PRDM16: variants seen among roughly 807,000 people sequenced by gnomAD.
The protein encoded by PRDM16 is histone-lysine N-methyltransferase PRDM16.
A neutral mutation model predicts 110.6 loss-of-function variants in PRDM16; 23 were observed. The ratio of observed to expected loss-of-function variants is 0.21; its 90% confidence interval spans 0.15 to 0.29. The LOEUF (loss-of-function observed/expected upper bound fraction) is 0.29, where lower values mean the gene tolerates loss of function less well. Among genes scored for constraint, PRDM16 ranks in the 10% least tolerant of loss-of-function variants. The probability of loss-of-function intolerance (pLI) is 1.00; values close to 1 mark genes in which losing one functional copy is unlikely to be tolerated. For missense variants in PRDM16, 1,615 were observed against 1,794.3 expected, an observed-to-expected ratio of 0.90 and a Z score of 1.81; for synonymous variants, 799 against 781.8, an observed-to-expected ratio of 1.02 and a Z score of -0.37.
At chr1:3,193,984 C>T (rs888970896) in intron 2 of PRDM16, among the ~76,000 whole-genome samples, 3 of 152,216 alleles carry the variant, frequency 2.0e-5, no homozygotes, top group Non-Finnish European at 2.9e-5. Flanking sequence ...AGTCCTGGCA[C>T]ACCCCTCTGG....
In PRDM16 at chr1:3,227,365, C is replaced by T. The variant is rs1426716106; in HGVS notation, c.388-16722C>T. The stretch of plus-strand genomic sequence containing the variant: ...GAACCAGAGTCCTGCATCCTTGTCC[C>T]GAGGCCACAGGCTTTGCTGTTTTAC... On this transcript the variant is annotated intron_variant, in intron 2 of 16. Transcript: ENST00000270722. Among the ~76,000 whole-genome samples, 5 of 152,262 alleles carry T rather than the reference C, an allele frequency of 3.3e-5. No homozygotes were observed. The East Asian group carries it at 5.8e-4, about 18-fold the overall frequency.
At chr1:3,093,280 A>G (rs541768384) in intron 1 of PRDM16, among the ~76,000 whole-genome samples, 289 of 152,352 alleles carry the variant, frequency 1.9e-3, no homozygotes, top group Non-Finnish European at 3.3e-3. Context: ...GGCTAGCTCC[A>G]TGCTGGGGCC....
In PRDM16 at chr1:3,265,264, G is replaced by C. The variant is rs1640260708; in HGVS notation, c.438+21127G>C. Among the ~76,000 whole-genome samples, 1 of 152,146 alleles carries C rather than the reference G, an allele frequency of 6.6e-6. No individual in the cohort carries two copies. Among genetic ancestry groups the C allele is most frequent in the South Asian group, 2.1e-4 (1 of 4,822 alleles). On this transcript the variant is annotated intron_variant, in intron 3 of 16. Coordinates refer to ENST00000270722, the MANE Select transcript of PRDM16 (RefSeq NM_022114.4). The surrounding 1 kb of genome is among the most constrained non-coding windows in gnomAD (Gnocchi z 4.5). Reference sequence around the variant, plus strand: ...ACAACAGCTTGTCCCTTACGGTTGGGACAGAAGCCTCAGGGTGCAGGGGGA... The same window carrying C: ...ACAACAGCTTGTCCCTTACGGTTGGCACAGAAGCCTCAGGGTGCAGGGGGA...
intron 2 of PRDM16, chr1:3,186,734 T>A (rs964740870): frequency 2.2e-6 from 1 of 446,468 alleles, no homozygotes; most frequent in East Asian, 3.5e-5. Context: ...TGAGCTCATG[T>A]CTTAAAACAT....
chr1:3,413,468 C>T (rs1021392346), intron 9 of PRDM16, among the ~76,000 whole-genome samples: 3 of 152,136 alleles, frequency 2.0e-5, no homozygotes, highest in African/African-American at 7.2e-5. Context: ...TCCCTAATTT[C>T]TGGACAGGTT....
intron 3 of PRDM16, among the ~76,000 whole-genome samples, chr1:3,379,019 G>A (rs1643045004): frequency 6.6e-6 from 1 of 151,722 alleles, no homozygotes; most frequent in Non-Finnish European, 1.5e-5. Context: ...ACCTGACTGT[G>A]ATAGCAGACA....
At chr1:3,270,767 C>T (rs1640432130) in intron 3 of PRDM16, among the ~76,000 whole-genome samples, 1 of 148,508 alleles carries the variant, frequency 6.7e-6, no homozygotes, top group Admixed American at 6.7e-5. Flanking sequence ...GAGGACAGTC[C>T]TGGAGGAGGA....
intron 1 of PRDM16, among the ~76,000 whole-genome samples, chr1:3,145,983 C>G (rs1352068720): frequency 6.6e-6 from 1 of 152,196 alleles, no homozygotes; most frequent in Non-Finnish European, 1.5e-5. Flanking sequence ...CCTCGGGACT[C>G]ACACGCCTCA....
intron 1 of PRDM16, among the ~76,000 whole-genome samples, chr1:3,110,173 T>C (rs1642755350): frequency 7.1e-6 from 1 of 140,398 alleles, no homozygotes; most frequent in Non-Finnish European, 1.5e-5. Flanking sequence ...GGGGACACAG[T>C]GTCTGTGGAT....
In PRDM16 at chr1:3,437,163, G is replaced by C. The variant is rs1255521235; in HGVS notation, c.*3352G>C. 4.3e-6 allele frequency: 1 copy of C among 231,626 alleles called. No homozygotes were observed. Among genetic ancestry groups the C allele is most frequent in the Non-Finnish European group, 8.5e-6 (1 of 117,224 alleles). The allele number at this position is 231,626 out of a possible 1,614,324, so 14.3% of individuals were successfully genotyped here. A position where few individuals can be genotyped will look rare whatever the true frequency, so the allele number is the denominator to read the frequency against. ...GTGTGGAGCAGTGGCTGGGGTGGGC[G>C]TGGTGTGGCCTGAGAGACTGCCCAG... On this transcript the variant is annotated 3_prime_UTR_variant, in exon 17 of 17. Coordinates refer to ENST00000270722, the MANE Select transcript of PRDM16 (RefSeq NM_022114.4).
chr1:3,311,269 G>A (rs2282196), intron 3 of PRDM16, among the ~76,000 whole-genome samples: 9,026 of 152,336 alleles, frequency 0.059, 353 homozygotes, highest in Middle Eastern at 0.099. Context: ...TGTTGTTCCC[G>A]GTGGGCCTCG....
At chr1:3,222,519 G>A (rs1315966916) in intron 2 of PRDM16, among the ~76,000 whole-genome samples, 4 of 152,242 alleles carry the variant, frequency 2.6e-5, no homozygotes, top group African/African-American at 9.6e-5. Context: ...TTCAGGAGGT[G>A]GAACCTGCGG....
chr1:3,218,513 C>A (rs1639082566), intron 2 of PRDM16, among the ~76,000 whole-genome samples: 1 of 152,362 alleles, frequency 6.6e-6, no homozygotes, highest in South Asian at 2.1e-4. Flanking sequence ...CACAGATGTG[C>A]CCGCCCGCAC....
chr1:3,321,304 G>A (rs1441889689), intron 3 of PRDM16, among the ~76,000 whole-genome samples: 1 of 152,178 alleles, frequency 6.6e-6, no homozygotes. Context: ...ATATGTGAGT[G>A]TGTCCATTTG....
rs779939414 is a variant in PRDM16, at chr1:3,381,156, A to G, written c.439-3996A>G. On this transcript the variant is annotated intron_variant, in intron 3 of 16. Transcript: ENST00000270722. ...GTTCCCCCAGGACAAGCACACATACATGAACGCACACACATACATACATGC... is the reference window on the plus strand; with the variant it reads ...GTTCCCCCAGGACAAGCACACATACGTGAACGCACACACATACATACATGC... 2.6e-4 allele frequency among the ~76,000 whole-genome samples: 40 copies of G among 152,280 alleles called. 1 individual carries two copies. The highest frequency in any genetic ancestry group is 1.0e-3 in the Admixed American group (16 of 15,302).
At chr1:3,122,021 C>T (rs1032490079) in intron 1 of PRDM16, among the ~76,000 whole-genome samples, 2 of 152,226 alleles carry the variant, frequency 1.3e-5, no homozygotes, top group African/African-American at 4.8e-5. Flanking sequence ...TTCTATGAAA[C>T]GCGCACCCGG....
At chr1:3,102,172 A>T (rs923948580) in intron 1 of PRDM16, among the ~76,000 whole-genome samples, 21 of 152,090 alleles carry the variant, frequency 1.4e-4, no homozygotes, top group African/African-American at 5.1e-4. Context: ...GAGCTCAGAG[A>T]GGGTGGGCAG....
chr1:3,425,688 G>C lies in PRDM16; in HGVS notation c.3047G>C (p.Cys1016Ser), dbSNP rs1638583304. ...KPFKCHLCNR[C>S]FGQQTNLDRH... ...TTCAAGTGCCACCTGTGCAACCGCT[G>C]CTTCGGGCAGCAGACCAACCTGGAC... The change falls in exon 13 of 17, where the codon TGC becomes TCC. Residue 1016 changes from cysteine (C) to serine (S), a missense_variant. Physicochemically the swap from Cys to Ser is moderately radical, Grantham distance 112 (BLOSUM62 -1). Transcript: ENST00000270722. This position sits in a 1 kb window ranked among gnomAD's most constrained non-coding sequence, Gnocchi z 6.9. 1 of 1,613,926 alleles carries C rather than the reference G, an allele frequency of 6.2e-7. No individual in the cohort carries two copies. Among genetic ancestry groups the C allele is most frequent in the African/African-American group, 1.3e-5 (1 of 75,042 alleles).
rs553833399 is a variant in PRDM16, at chr1:3,244,194, G to C, written c.438+57G>C. ...CCCCAGCGTCCTCGGAGCTCCTGGC[G>C]GGGCGACCGCCATCCCAGCTGTCCC... On this transcript the variant is annotated intron_variant, in intron 3 of 16. Coordinates refer to ENST00000270722, the MANE Select transcript of PRDM16 (RefSeq NM_022114.4). The surrounding 1 kb of genome is among the most constrained non-coding windows in gnomAD (Gnocchi z 4.1). 19 of 1,533,778 alleles carry C rather than the reference G, an allele frequency of 1.2e-5. No individual in the cohort carries two copies. The East Asian group carries it at 4.1e-4, about 33-fold the overall frequency.
Sources: allele counts gnomAD v4.1 joint callset (sites outside exome capture counted in the v4.1 genomes callset), GRCh38; gene constraint gnomAD v4.1.1; non-coding constraint Gnocchi (gnomAD v3.1); transcripts MANE v1.5; gene names NCBI Gene and HGNC (gene_info 2026-07-23, HGNC 2026-07-21).